Variants in NEMF observed in about 807,000 individuals in gnomAD.
NEMF encodes the protein ribosome quality control complex subunit NEMF.
A neutral mutation model predicts 162.2 loss-of-function variants in NEMF; 89 were observed. That is an observed-to-expected ratio of 0.55 (90% CI 0.46 to 0.65). The LOEUF (loss-of-function observed/expected upper bound fraction) is 0.65, where lower values mean the gene tolerates loss of function less well. Among genes scored for constraint, NEMF ranks in the 30% least tolerant of loss-of-function variants. NEMF has a pLI of 0.00. For synonymous variants in NEMF, 421 were observed against 404.5 expected (o/e 1.04, Z -0.49); for missense variants, 1,133 against 1,261.9 (o/e 0.90, Z 1.55).
chr14:49,789,723 G>A (rs1234829176), intron 26 of NEMF, 150 bp from the exon 27 acceptor site: 2 of 1,151,828 alleles, frequency 1.7e-6, no homozygotes, highest in South Asian at 1.7e-5. Context: ...AGGCTACAAA[G>A]TTGGATAACT....
intron 26 of NEMF, among the ~76,000 whole-genome samples, chr14:49,792,327 T>C (rs1890491506): frequency 1.3e-5 from 2 of 152,282 alleles, no homozygotes; most frequent in South Asian, 2.1e-4. Context: ...GCAATTATCC[T>C]GCCTCAGCCT....
chr14:49,809,368 A>C (rs527734152), intron 18 of NEMF, among the ~76,000 whole-genome samples: 1 of 152,200 alleles, frequency 6.6e-6, no homozygotes, highest in African/African-American at 2.4e-5. Context: ...ATGAAGAGAC[A>C]TGGAGGAAAG....
chr14:49,786,637 T>C, intron 29 of NEMF, 81 bp downstream of exon 29: 1 of 1,386,912 alleles, frequency 7.2e-7, no homozygotes, highest in Non-Finnish European at 1.0e-6. Flanking sequence ...TTTCTAAGTT[T>C]TAATAAGTTG....
chr14:49,837,926 T>C (rs761315997), intron 6 of NEMF, among the ~76,000 whole-genome samples: 12 of 151,988 alleles, frequency 7.9e-5, no homozygotes, highest in Non-Finnish European at 1.6e-4. Context: ...ACTGAAGTAC[T>C]AGATAACACA....
intron 6 of NEMF, 138 bp from the exon 7 acceptor site, chr14:49,834,587 C>CGGGTTCAAGTG: frequency 1.8e-6 from 1 of 561,994 alleles, no homozygotes. Context: ...CTCTGCCTCC[C>CGGGTTCAAGTG]ACCTCCTGCC....
intron 11 of NEMF, among the ~76,000 whole-genome samples, chr14:49,829,754 G>A (rs1186144510): frequency 1.3e-5 from 2 of 152,168 alleles, no homozygotes; most frequent in Non-Finnish European, 2.9e-5. Flanking sequence ...CAAAAGTAAA[G>A]TTTGGGAGAA....
intron 17 of NEMF, 53 bp from the exon 18 acceptor site, chr14:49,814,103 T>C (rs771928255): frequency 3.2e-5 from 36 of 1,122,694 alleles, no homozygotes; most frequent in East Asian, 1.4e-4. Flanking sequence ...TATTCTTTTT[T>C]CCTTTTTTTT....
intron 16 of NEMF, among the ~76,000 whole-genome samples, chr14:49,824,562 GTC>G (rs1892245972): frequency 1.1e-5 from 1 of 87,636 alleles, no homozygotes; most frequent in Non-Finnish European, 2.5e-5. Context: ...AAAAAAAAAA[GTC>G]TGAGGAAAAT....
rs777697485 is a variant in NEMF, at chr14:49,828,364, CAT to C, written c.1425-12_1425-11del. ...CTTGTGATCATAATACCTAGAAAAA[CAT>C]ATTTCTCTTAAATTTTAAGTATAAT... On this transcript the variant is annotated splice_polypyrimidine_tract_variant and intron_variant, in intron 14 of 32. Coordinates refer to ENST00000298310, the MANE Select transcript of NEMF (RefSeq NM_004713.6). 3 of 1,514,142 alleles carry C rather than the reference CAT, an allele frequency of 2.0e-6. No homozygotes were observed. Among genetic ancestry groups the C allele is most frequent in the South Asian group, 2.4e-5 (2 of 83,082 alleles). 93.8% of individuals were successfully genotyped at this position (1,514,142 alleles called of 1,614,324 possible). A position where few individuals can be genotyped will look rare whatever the true frequency, so the allele number is the denominator to read the frequency against.
At chr14:49,822,319 A>T (rs3100917) in intron 16 of NEMF, among the ~76,000 whole-genome samples, 138,757 of 148,266 alleles carry the variant, frequency 0.94, 65,631 homozygotes, top group South Asian at 1. Context: ...AAATAAAAGA[A>T]TGATGCACAT....
intron 5 of NEMF, among the ~76,000 whole-genome samples, chr14:49,838,745 C>T (rs368494634): frequency 2.8e-3 from 427 of 151,972 alleles, no homozygotes; most frequent in African/African-American, 5.7e-3. Flanking sequence ...CCACCACGCC[C>T]GGCTAATATT....
At position 49,789,141 on chromosome 14, in the gene NEMF, C is replaced by A; in HGVS notation, c.2895+5G>T. On this transcript the variant is annotated splice_donor_5th_base_variant and intron_variant, in intron 28 of 32. Coordinates refer to ENST00000298310, the MANE Select transcript of NEMF (RefSeq NM_004713.6). Reference sequence around the variant, plus strand: ...AAGAAGCAGAAGCCCACAAAGTAGCCATACCTTGTCATCATGTGGATCATC... The same window carrying A: ...AAGAAGCAGAAGCCCACAAAGTAGCAATACCTTGTCATCATGTGGATCATC... 1 of 1,610,294 alleles carries A rather than the reference C, an allele frequency of 6.2e-7. No homozygotes were observed. Among genetic ancestry groups the A allele is most frequent in the African/African-American group, 1.3e-5 (1 of 74,942 alleles).
In NEMF at chr14:49,785,333, A is replaced by G. The variant is rs1371011888; in HGVS notation, c.2929-13T>C. On this transcript the variant is annotated splice_polypyrimidine_tract_variant and intron_variant, in intron 29 of 32. Transcript: ENST00000298310. ...CAAATAGGTTTTCCTAAAAAGGGAA[A>G]ATAACAGTTACAAAGGCAATTTATA... is the stretch of plus-strand genomic sequence containing the variant. 3 of 1,597,138 alleles carry G rather than the reference A, an allele frequency of 1.9e-6. No homozygotes were observed. Among genetic ancestry groups the G allele is most frequent in the African/African-American group, 2.7e-5 (2 of 74,576 alleles).
At chr14:49,799,607 T>C (rs1890863460) in intron 24 of NEMF, 29 bp downstream of exon 24, 1 of 1,601,572 alleles carries the variant, frequency 6.2e-7, no homozygotes, top group African/African-American at 1.3e-5. Context: ...GAGAATCGGA[T>C]GTTCTTCATA....
intron 4 of NEMF, among the ~76,000 whole-genome samples, chr14:49,844,194 G>A (rs558582698): frequency 2.6e-5 from 4 of 151,962 alleles, no homozygotes; most frequent in African/African-American, 7.3e-5. Flanking sequence ...TTCCATGGAT[G>A]GGGGGTGCAG....
At chr14:49,814,530 C>T (rs1891633768) in intron 17 of NEMF, among the ~76,000 whole-genome samples, 1 of 152,164 alleles carries the variant, frequency 6.6e-6, no homozygotes, top group South Asian at 2.1e-4. Flanking sequence ...TACTGAAAGT[C>T]CAACACTGCA....
At chr14:49,817,898 A>T (rs1891796949) in intron 16 of NEMF, among the ~76,000 whole-genome samples, 1 of 152,182 alleles carries the variant, frequency 6.6e-6, no homozygotes, top group Non-Finnish European at 1.5e-5. Flanking sequence ...TGAAAAAGGA[A>T]CACTTTCCAA....
intron 6 of NEMF, among the ~76,000 whole-genome samples, chr14:49,837,835 CA>C (rs1892983433): frequency 2.3e-5 from 3 of 128,200 alleles, no homozygotes; most frequent in African/African-American, 6.0e-5. Context: ...AAAAAAAAAC[CA>C]AAAAAAAACT....
In NEMF at chr14:49,828,347, C is replaced by G; in HGVS notation, c.1432G>C (p.Asp478His). Reference sequence around the variant, plus strand: ...TTCTTAGCAGCATATCTCTTGTGATCATAATACCTAGAAAAACATATTTCT... The same window carrying G: ...TTCTTAGCAGCATATCTCTTGTGATGATAATACCTAGAAAAACATATTTCT... ...SAYANAKKYY[D>H]HKRYAAKKTQ... The change falls in exon 15 of 33, where the codon GAT (aspartate) becomes CAT (histidine). Residue 478 changes from aspartate to histidine, a missense_variant. Coordinates refer to ENST00000298310, the MANE Select transcript of NEMF (RefSeq NM_004713.6). 1 of 1,571,800 alleles carries G rather than the reference C, an allele frequency of 6.4e-7. No homozygotes were observed.
Sources: gnomAD v4.1 joint callset for allele counts (sites outside exome capture counted in the v4.1 genomes callset) on GRCh38, gnomAD v4.1.1 for gene constraint, MANE v1.5 for transcripts, NCBI Gene and HGNC (gene_info 2026-07-23, HGNC 2026-07-21) for gene names.